BNC2: variants seen among roughly 807,000 people sequenced by gnomAD.
BNC2 encodes the protein zinc finger protein basonuclin-2.
In BNC2, 20 loss-of-function variants were observed where a neutral mutation model predicts 76.3. The observed-to-expected ratio is 0.26, with a 90% CI of 0.18 to 0.38. BNC2 has a LOEUF of 0.38. Among genes scored for constraint, BNC2 ranks in the 10% least tolerant of loss-of-function variants. The pLI is 1.00. For synonymous variants in BNC2, 582 were observed against 514.8 expected, an observed-to-expected ratio of 1.13 and a Z score of -1.77; for missense variants, 1,382 against 1,399.8, an observed-to-expected ratio of 0.99 and a Z score of 0.20.
At chr9:16,420,956 T>C (rs1166328385) in intron 6 of BNC2, among the ~76,000 whole-genome samples, 1 of 152,152 alleles carries the variant, frequency 6.6e-6, no homozygotes, top group African/African-American at 2.4e-5. Context: ...AGCTTCTCAA[T>C]ACTGGTGGAA....
chr9:16,421,295 G>A, intron 6 of BNC2: 1 of 1,298,214 alleles, frequency 7.7e-7, no homozygotes, highest in South Asian at 1.2e-5. Flanking sequence ...CTAATCTTTT[G>A]CTAAATCGAT....
chr9:16,865,586 G>A (rs1235502860), intron 1 of BNC2, among the ~76,000 whole-genome samples: 1 of 152,072 alleles, frequency 6.6e-6, no homozygotes, highest in Non-Finnish European at 1.5e-5. Flanking sequence ...TCAAGGGAAG[G>A]TTGTATTCCT....
intron 5 of BNC2, among the ~76,000 whole-genome samples, chr9:16,550,251 A>G (rs1207146592): frequency 6.6e-6 from 1 of 151,266 alleles, no homozygotes; most frequent in Non-Finnish European, 1.5e-5. Context: ...TTAAAACATT[A>G]TGAGAGTTTT....
intron 4 of BNC2, among the ~76,000 whole-genome samples, chr9:16,557,372 G>T (rs1408415060): frequency 1.3e-5 from 2 of 151,818 alleles, no homozygotes; most frequent in African/African-American, 2.4e-5. Context: ...GGTGGCACAC[G>T]CCTGTAGTCC....
chr9:16,814,129 T>C (rs1446784995), intron 1 of BNC2, among the ~76,000 whole-genome samples: 1 of 152,222 alleles, frequency 6.6e-6, no homozygotes, highest in Non-Finnish European at 1.5e-5. Context: ...TCTACTATTT[T>C]GTAGGTTGCT....
chr9:16,753,275 T>G (rs1825275939), intron 1 of BNC2, among the ~76,000 whole-genome samples: 1 of 152,238 alleles, frequency 6.6e-6, no homozygotes, highest in South Asian at 2.1e-4. Flanking sequence ...CTATATAAAT[T>G]TGATTTACAA....
chr9:16,671,753 T>C (rs1822484093), intron 3 of BNC2, among the ~76,000 whole-genome samples: 2 of 152,162 alleles, frequency 1.3e-5, no homozygotes, highest in Non-Finnish European at 1.5e-5. Flanking sequence ...TGTTTCACCA[T>C]ATGCCTGAAC....
chr9:16,665,462 GAA>G (rs1254145722), intron 3 of BNC2, among the ~76,000 whole-genome samples: 6 of 141,004 alleles, frequency 4.3e-5, no homozygotes, highest in East Asian at 2.2e-4. Context: ...AAGAAAGAAA[GAA>G]AGAAAGAAAG....
chr9:16,426,349 T>C (rs936184481), intron 6 of BNC2, among the ~76,000 whole-genome samples: 2 of 146,948 alleles, frequency 1.4e-5, no homozygotes, highest in African/African-American at 5.0e-5. Context: ...TTTGTCAGTA[T>C]AGATGGGTTT....
At chr9:16,597,463 A>C (rs77341429) in intron 3 of BNC2, among the ~76,000 whole-genome samples, 3,929 of 152,220 alleles carry the variant, frequency 0.026, 179 homozygotes, top group African/African-American at 0.09. Context: ...CCCTGCAGGA[A>C]TTTGCTCTGC....
At chr9:16,847,822 G>A (rs1019507260) in intron 1 of BNC2, among the ~76,000 whole-genome samples, 9 of 152,280 alleles carry the variant, frequency 5.9e-5, no homozygotes, top group Admixed American at 2.0e-4. Flanking sequence ...CAGCATGTGC[G>A]GTAGATGTGT....
intron 3 of BNC2, among the ~76,000 whole-genome samples, chr9:16,667,072 G>A (rs1322242933): frequency 6.8e-6 from 1 of 146,686 alleles, no homozygotes; most frequent in Non-Finnish European, 1.5e-5. Flanking sequence ...ACATCACTCA[G>A]ATACACATAC....
At chr9:16,546,024 T>G (rs1818471073) in intron 5 of BNC2, among the ~76,000 whole-genome samples, 1 of 152,248 alleles carries the variant, frequency 6.6e-6, no homozygotes, top group African/African-American at 2.4e-5. Context: ...GCAATTTATC[T>G]TATTGATACT....
chr9:16,432,313 G>A (rs1820923963), intron 6 of BNC2, among the ~76,000 whole-genome samples: 2 of 152,142 alleles, frequency 1.3e-5, no homozygotes, highest in African/African-American at 2.4e-5. Context: ...GAGCATTCTT[G>A]CTTTTGAAAA....
In BNC2 at chr9:16,419,534, T is replaced by C. The variant is rs1434809721; in HGVS notation, c.2755A>G (p.Lys919Glu). 1 of 1,614,030 alleles carries C rather than the reference T, an allele frequency of 6.2e-7. No individual in the cohort carries two copies. Among genetic ancestry groups the C allele is most frequent in the Admixed American group, 1.7e-5 (1 of 60,016 alleles). Residue 919 changes from lysine to glutamate, a missense_variant, in exon 7 of 7, where the codon AAG becomes GAG. Physicochemically the swap from Lys to Glu is moderately conservative, Grantham distance 56. This residue lies in a region of BNC2 where 798 missense variants were observed against 775.5 expected (regional missense o/e 1.03). Coordinates refer to ENST00000380672, the MANE Select transcript of BNC2 (RefSeq NM_017637.6). ...SKDLRDEFLV[K>E]IYGAQHPMGL... ...ATGGGGTGCTGGGCACCATATATCT[T>C]CACCAAAAATTCATCGCGGAGGTCC... is the stretch of plus-strand genomic sequence containing the variant.
chr9:16,451,338 A>C (rs1252070145), intron 5 of BNC2, among the ~76,000 whole-genome samples: 1 of 152,198 alleles, frequency 6.6e-6, no homozygotes, highest in African/African-American at 2.4e-5. Context: ...TTAAAAAAAT[A>C]GCAGGATTTC....
chr9:16,845,304 T>C (rs1431649046), intron 1 of BNC2, among the ~76,000 whole-genome samples: 2 of 148,510 alleles, frequency 1.3e-5, no homozygotes, highest in Non-Finnish European at 3.0e-5. Context: ...TTTTTAATTA[T>C]TCAACACCAG....
rs34575896 is a variant in BNC2, at chr9:16,413,189, AT to A, written c.*5799del. 57,965 of 150,122 alleles carry A rather than the reference AT, an allele frequency of 0.39. 11,437 individuals carry two copies. Among genetic ancestry groups the A allele is most frequent in the South Asian group, 0.51 (2,420 of 4,736 alleles). The allele number at this position is 150,122 out of a possible 1,614,324, so 9.3% of individuals were successfully genotyped here. ...GGTCTTCATATCCTATATAAAAAAG[AT>A]TTTTTTTTTTCCTGCAGTAAAGGTC... On this transcript the variant is annotated 3_prime_UTR_variant, in exon 7 of 7. Transcript: ENST00000380672.
At position 16,761,523 on chromosome 9, in the gene BNC2, A is replaced by G. The variant is rs552151442; in HGVS notation, c.4-23038T>C. ...TAATCTAAGATTTTTCAAACAAACA[A>G]ATCAATACCAGAAAATCCATTGTTA... On this transcript the variant is annotated intron_variant, in intron 1 of 6. Coordinates refer to ENST00000380672, the MANE Select transcript of BNC2 (RefSeq NM_017637.6). Among the ~76,000 whole-genome samples the G allele has an allele frequency of 6.6e-5, 10 of 152,350 alleles. No individual in the cohort carries two copies. In the South Asian group the frequency reaches 1.9e-3, roughly 28 times the overall value.
Sources: gnomAD v4.1 joint callset for allele counts (sites outside exome capture counted in the v4.1 genomes callset) on GRCh38, gnomAD v4.1.1 for gene constraint, gnomAD v4.1.1 regional missense constraint, MANE v1.5 for transcripts, NCBI Gene and HGNC (gene_info 2026-07-23, HGNC 2026-07-21) for gene names.